The following NAV2 variants were observed in gnomAD, a reference collection of about 807,000 sequenced individuals.
NAV2 encodes neuron navigator 2.
A neutral mutation model predicts 223.2 loss-of-function variants in NAV2; 54 were observed. The observed-to-expected ratio is 0.24, with a 90% CI of 0.19 to 0.30. NAV2 has a LOEUF of 0.30. Ranked by LOEUF, NAV2 falls within the 10% of genes least tolerant of loss-of-function variation. NAV2 has a pLI of 1.00. For missense variants in NAV2, 2,806 were observed against 3,147.5 expected, an observed-to-expected ratio of 0.89 and a Z score of 2.60; for synonymous variants, 1,279 against 1,239.3, an observed-to-expected ratio of 1.03 and a Z score of -0.67.
intron 1 of NAV2, among the ~76,000 whole-genome samples, chr11:19,800,672 GGTGTGTGTGTGTGT>G (rs142402876): frequency 4.1e-5 from 6 of 145,846 alleles, no homozygotes; most frequent in Non-Finnish European, 7.6e-5. Context: ...AAGGAGAATG[GGTGTGTGTGTGTGT>G]GTGTGTGTGT....
At chr11:19,980,909 G>A (rs767585609) in intron 10 of NAV2, among the ~76,000 whole-genome samples, 23 of 152,080 alleles carry the variant, frequency 1.5e-4, no homozygotes, top group African/African-American at 4.6e-4. Context: ...GTGCTGTGCC[G>A]TCTCCCAAGG....
intron 1 of NAV2, chr11:19,506,314 T>C (rs1337151416): frequency 1.3e-5 from 2 of 152,242 alleles, no homozygotes; most frequent in African/African-American, 4.8e-5. Context: ...GTAGCCGATC[T>C]GACCCAAGTG....
intron 1 of NAV2, among the ~76,000 whole-genome samples, chr11:19,782,861 A>G (rs2056844585): frequency 6.6e-6 from 1 of 152,230 alleles, no homozygotes; most frequent in Admixed American, 6.5e-5. Flanking sequence ...AAACAGGGTA[A>G]CAAGAAGGTG....
intron 1 of NAV2, among the ~76,000 whole-genome samples, chr11:19,423,397 T>C (rs941045487): frequency 1.3e-5 from 2 of 152,210 alleles, no homozygotes; most frequent in African/African-American, 2.4e-5. Context: ...TGTGAGGTGC[T>C]GGGAGTAGAG....
At chr11:19,387,177 T>C (rs1849075997) in intron 1 of NAV2, among the ~76,000 whole-genome samples, 1 of 152,196 alleles carries the variant, frequency 6.6e-6, no homozygotes, top group Admixed American at 6.5e-5. Flanking sequence ...TTCACGTTAA[T>C]CGTTTAAAAT....
intron 32 of NAV2, among the ~76,000 whole-genome samples, chr11:20,102,054 T>TC (rs1353738934): frequency 6.6e-6 from 1 of 152,086 alleles, no homozygotes; most frequent in African/African-American, 2.4e-5. Flanking sequence ...ATCTACAAGT[T>TC]CCCCAAGTAA....
At chr11:19,924,754 T>C (rs1387482864) in intron 6 of NAV2, among the ~76,000 whole-genome samples, 8 of 152,198 alleles carry the variant, frequency 5.3e-5, no homozygotes, top group Non-Finnish European at 1.2e-4. Context: ...ACTGACATGG[T>C]TAGTCAAGAG....
chr11:19,355,095 A>G (rs1225150449), intron 1 of NAV2, among the ~76,000 whole-genome samples: 1 of 152,234 alleles, frequency 6.6e-6, no homozygotes, highest in Non-Finnish European at 1.5e-5. Flanking sequence ...TAACTAGCAT[A>G]GATTGGCGAA....
chr11:19,449,369 C>G (rs1466919339), intron 1 of NAV2, among the ~76,000 whole-genome samples: 2 of 151,538 alleles, frequency 1.3e-5, no homozygotes, highest in African/African-American at 2.4e-5. Flanking sequence ...TGCACTCCAG[C>G]CTGAGCGACA....
chr11:19,788,243 G>A (rs1191490485), intron 1 of NAV2, among the ~76,000 whole-genome samples: 1 of 152,130 alleles, frequency 6.6e-6, no homozygotes. Flanking sequence ...AAAATGTTTA[G>A]TAGCAACACC....
At chr11:19,550,390 G>A (rs1047739115) in intron 1 of NAV2, among the ~76,000 whole-genome samples, 8 of 152,134 alleles carry the variant, frequency 5.3e-5, no homozygotes, top group Non-Finnish European at 8.8e-5. Flanking sequence ...GTTAGAACCC[G>A]AATACTTGAA....
intron 3 of NAV2, among the ~76,000 whole-genome samples, chr11:19,861,505 T>C (rs2153020647): frequency 6.6e-6 from 1 of 152,282 alleles, no homozygotes; most frequent in South Asian, 2.1e-4. Context: ...ATATTAAACA[T>C]CACGAATATA....
In NAV2 at chr11:19,933,739, G is replaced by A; in HGVS notation, c.1495G>A (p.Glu499Lys). Residue 499 changes from glutamate (E) to lysine (K), a missense_variant, in exon 7 of 38, where the codon GAG becomes AAG. Around this residue, in one of 4 missense-constraint regions of NAV2, gnomAD observed 1,167 missense variants for 1,180.5 expected, o/e 0.99. Transcript: ENST00000349880. This position sits in a 1 kb window ranked among gnomAD's most constrained non-coding sequence, Gnocchi z 4.3. The part of the protein sequence containing the change: ...KEKQQREKDK[E>K]KSKDLAKRAS... ...GAAACAACAGCGGGAGAAGGATAAG[G>A]AGAAAAGCAAGGACCTTGCCAAGAG... 1 of 1,614,188 alleles carries A rather than the reference G, an allele frequency of 6.2e-7. No individual in the cohort carries two copies. The highest frequency in any genetic ancestry group is 8.5e-7 in the Non-Finnish European group (1 of 1,180,026).
At chr11:19,820,617 G>A (rs1319317493) in intron 1 of NAV2, among the ~76,000 whole-genome samples, 2 of 152,236 alleles carry the variant, frequency 1.3e-5, no homozygotes, top group East Asian at 3.9e-4. Flanking sequence ...GTAGCCGTGA[G>A]GCTGGTCAGC....
At chr11:19,403,627 A>G (rs886235969) in intron 1 of NAV2, among the ~76,000 whole-genome samples, 3 of 152,212 alleles carry the variant, frequency 2.0e-5, no homozygotes, top group Non-Finnish European at 4.4e-5. Context: ...TTGAGAGGCA[A>G]CAATGTGTAT....
intron 1 of NAV2, among the ~76,000 whole-genome samples, chr11:19,450,477 A>AGTC (rs1851752622): frequency 6.6e-6 from 1 of 152,216 alleles, no homozygotes; most frequent in South Asian, 2.1e-4. Flanking sequence ...TAAGCCCTGA[A>AGTC]GTCATTTGTT....
intron 5 of NAV2, 112 bp from the exon 6 acceptor site, chr11:19,892,322 C>A: frequency 9.7e-7 from 1 of 1,031,862 alleles, no homozygotes; most frequent in South Asian, 2.0e-5. Flanking sequence ...CAAACCTCCA[C>A]ACAATGTCTT....
Position 20,114,616 on chromosome 11 carries a change from G to T in NAV2, c.6985G>T (p.Glu2329Ter). Residue 2329 changes from glutamate (E) to a stop codon, truncating the protein, a stop_gained, in exon 37 of 38, where the codon GAG (glutamate) becomes TAG (stop). Transcript: ENST00000349880. LOFTEE classifies it high-confidence loss of function. Reference protein sequence around the residue: ...LQLYGRRAPWEDPAKWVMDTY... With the variant: ...LQLYGRRAPW Reference sequence around the variant, plus strand: ...GCTCTATGGAAGGCGCGCCCCCTGGGAGGATCCTGCCAAGTGGGTGATGGA... The same window carrying T: ...GCTCTATGGAAGGCGCGCCCCCTGGTAGGATCCTGCCAAGTGGGTGATGGA... 6.2e-7 allele frequency: 1 copy of T among 1,614,148 alleles called. No individual in the cohort carries two copies. The highest frequency in any genetic ancestry group is 8.5e-7 in the Non-Finnish European group (1 of 1,180,040).
intron 30 of NAV2, 81 bp downstream of exon 30, chr11:20,095,848 C>T: frequency 9.7e-7 from 1 of 1,033,074 alleles, no homozygotes; most frequent in African/African-American, 1.6e-5. Flanking sequence ...AGGTTGATGT[C>T]CTGAGCTTGG....
Sources: allele counts gnomAD v4.1 joint callset (sites outside exome capture counted in the v4.1 genomes callset), GRCh38; gene constraint gnomAD v4.1.1; regional missense constraint gnomAD v4.1.1; non-coding constraint Gnocchi (gnomAD v3.1); transcripts MANE v1.5; gene names NCBI Gene and HGNC (gene_info 2026-07-23, HGNC 2026-07-21).